ZNF454: variants seen among roughly 807,000 people sequenced by gnomAD.
ZNF454 encodes the protein zinc finger protein 454.
In ZNF454, 30 loss-of-function variants were observed where a neutral mutation model predicts 48.2. That is an observed-to-expected ratio of 0.62 (90% confidence interval 0.47 to 0.84). ZNF454 has a LOEUF of 0.84. Among genes scored for constraint, ZNF454 ranks in the 40% least tolerant of loss-of-function variants. The pLI is 0.00. For missense variants in ZNF454, 510 were observed against 623.1 expected (o/e 0.82, Z 1.93); for synonymous variants, 204 against 211.4 (o/e 0.97, Z 0.30).
the ZNF454 span, among the ~76,000 whole-genome samples, chr5:178,984,450 C>T: frequency 5.3e-5 from 8 of 152,326 alleles, no homozygotes; most frequent in South Asian, 6.2e-4. Context: ...CCCGTCATGA[C>T]GTGGTAGTCA....
At chr5:178,975,346 T>G in the ZNF454 span, among the ~76,000 whole-genome samples, 1,260 of 152,300 alleles carry the variant, frequency 8.3e-3, 15 homozygotes, top group South Asian at 0.047. Context: ...ATTACTCCAG[T>G]GAATGAATGT....
chr5:178,985,568 TG>T, the ZNF454 span: 1 of 338,790 alleles, frequency 3.0e-6, no homozygotes, highest in African/African-American at 2.2e-5. Context: ...CCGGGCGTGG[TG>T]GCGGGCGCCT....
chr5:178,945,799 G>A (rs1265356450), intron 2 of ZNF454, among the ~76,000 whole-genome samples: 1 of 151,934 alleles, frequency 6.6e-6, no homozygotes, highest in Non-Finnish European at 1.5e-5. Context: ...CGAGTACATG[G>A]GCCGTGTTCC....
At position 178,946,626 on chromosome 5, in the gene ZNF454, G is replaced by A. The variant is rs1759349417; in HGVS notation, c.160+141G>A. 2 of 1,224,198 alleles carry A rather than the reference G, an allele frequency of 1.6e-6. No homozygotes were observed. Among genetic ancestry groups the A allele is most frequent in the Admixed American group, 2.8e-5 (1 of 35,246 alleles). 75.8% of individuals were successfully genotyped at this position (1,224,198 alleles called of 1,614,324 possible). ...GCCATTAATTTTACCTGTCCTTGGT[G>A]TCCTGGGCACAGGCCTCTTTTGGAG... On this transcript the variant is annotated intron_variant, in intron 3 of 4. Coordinates refer to ENST00000519564, the MANE Select transcript of ZNF454 (RefSeq NM_001178089.3). The surrounding 1 kb of genome is among the most constrained non-coding windows in gnomAD (Gnocchi z 4.5).
At chr5:178,949,278 G>A (rs907764392) in intron 4 of ZNF454, among the ~76,000 whole-genome samples, 4 of 151,652 alleles carry the variant, frequency 2.6e-5, no homozygotes, top group Admixed American at 6.6e-5. Context: ...TCTCAAACTC[G>A]TGACCTCTGG....
the ZNF454 span, among the ~76,000 whole-genome samples, chr5:178,975,039 G>C: frequency 3.9e-5 from 6 of 152,178 alleles, no homozygotes; most frequent in African/African-American, 1.4e-4. Flanking sequence ...CGGGGGCAGT[G>C]CGTCATACCT....
intron 4 of ZNF454, among the ~76,000 whole-genome samples, chr5:178,951,129 A>G (rs1161779937): frequency 6.6e-6 from 1 of 152,134 alleles, no homozygotes; most frequent in Non-Finnish European, 1.5e-5. Context: ...AAGTGCTGGG[A>G]TTACAGGCAT....
the ZNF454 span, among the ~76,000 whole-genome samples, chr5:178,973,842 C>G: frequency 2.9e-5 from 3 of 101,948 alleles, no homozygotes; most frequent in South Asian, 9.6e-4. Flanking sequence ...GACTTCATCT[C>G]AAAAAAAAAA....
chr5:178,963,848 G>A (rs1760066649), intron 4 of ZNF454, among the ~76,000 whole-genome samples: 1 of 151,634 alleles, frequency 6.6e-6, no homozygotes, highest in African/African-American at 2.4e-5. Flanking sequence ...TCATCTGAAT[G>A]CTCAAATGAG....
chr5:178,942,971 C>T, intron 2 of ZNF454, 147 bp downstream of exon 2: 1 of 793,692 alleles, frequency 1.3e-6, no homozygotes, highest in Non-Finnish European at 2.0e-6. Context: ...ACCCTCCAAC[C>T]CCGCCCCATA....
intron 4 of ZNF454, among the ~76,000 whole-genome samples, chr5:178,947,463 G>T (rs1759384566): frequency 6.6e-6 from 1 of 152,204 alleles, no homozygotes; most frequent in Non-Finnish European, 1.5e-5. Context: ...GTCCACGTGG[G>T]TTATTTATCT....
chr5:178,989,211 A>AGCCC, the ZNF454 span: 2 of 121,740 alleles, frequency 1.6e-5, no homozygotes, highest in Admixed American at 1.8e-4. Context: ...CCCCCTCCCC[A>AGCCC]CCCTCACCAC....
At position 178,946,252 on chromosome 5, in the gene ZNF454, A is replaced by T; in HGVS notation, c.34-107A>T. 1 of 1,482,226 alleles carries T rather than the reference A, an allele frequency of 6.7e-7. No homozygotes were observed. Among genetic ancestry groups the T allele is most frequent in the Admixed American group, 2.2e-5 (1 of 45,754 alleles). 91.8% of individuals were successfully genotyped at this position (1,482,226 alleles called of 1,614,324 possible). A position where few individuals can be genotyped will look rare whatever the true frequency, so the allele number is the denominator to read the frequency against. On this transcript the variant is annotated intron_variant, in intron 2 of 4. Coordinates refer to ENST00000519564, the MANE Select transcript of ZNF454 (RefSeq NM_001178089.3). The surrounding 1 kb of genome is among the most constrained non-coding windows in gnomAD (Gnocchi z 4.5). ...ACAGAACGCCAGCTCCCTGTGTGCCAGCAGTCCTGTAAATGCGCACAAGCT... is the reference window on the plus strand; with the variant it reads ...ACAGAACGCCAGCTCCCTGTGTGCCTGCAGTCCTGTAAATGCGCACAAGCT...
the ZNF454 span, chr5:178,987,046 G>A: frequency 6.5e-7 from 1 of 1,546,824 alleles, no homozygotes; most frequent in South Asian, 1.1e-5. Context: ...CTCCTGGGGA[G>A]GCCCCAGGGA....
At chr5:178,986,857 G>C in the ZNF454 span, 8 of 1,613,858 alleles carry the variant, frequency 5.0e-6, no homozygotes, top group Non-Finnish European at 6.8e-6. Flanking sequence ...GAGGGTCTCT[G>C]CCCACTGGCC....
the ZNF454 span, chr5:178,977,389 C>T: frequency 1.8e-5 from 8 of 455,616 alleles, no homozygotes; most frequent in African/African-American, 1.6e-4. Flanking sequence ...TAAGAACAAG[C>T]AGGCAGCCCT....
downstream of ZNF454, among the ~76,000 whole-genome samples, chr5:178,968,527 T>C (rs139597671): frequency 6.6e-6 from 1 of 152,314 alleles, no homozygotes; most frequent in East Asian, 1.9e-4. Context: ...CTTTCTTCCC[T>C]ATTAAGCTGC....
At chr5:178,961,509 A>C (rs6867606) in intron 4 of ZNF454, among the ~76,000 whole-genome samples, 12 of 151,678 alleles carry the variant, frequency 7.9e-5, no homozygotes, top group African/African-American at 2.2e-4. Flanking sequence ...TTATTGTTAC[A>C]ATCTTAAAAA....
At position 178,959,991 on chromosome 5, in the gene ZNF454, C is replaced by T. The variant is rs1022057991; in HGVS notation, c.251-4664C>T. Among the ~76,000 whole-genome samples the T allele has an allele frequency of 3.3e-5, 5 of 150,910 alleles. 1 individual carries two copies. The Admixed American group carries it at 3.3e-4, about 10-fold the overall frequency. On this transcript the variant is annotated intron_variant, in intron 4 of 4. Coordinates refer to ENST00000519564, the MANE Select transcript of ZNF454 (RefSeq NM_001178089.3). ...TGAGACAAGTTCTTGCTCTGTTGCC[C>T]AGGCTGGAGTGCAGTGGTGTGATCA... is the stretch of plus-strand genomic sequence containing the variant.
Sources: gnomAD v4.1 joint callset for allele counts (sites outside exome capture counted in the v4.1 genomes callset) on GRCh38, gnomAD v4.1.1 for gene constraint, Gnocchi (gnomAD v3.1) non-coding constraint, MANE v1.5 for transcripts, NCBI Gene and HGNC (gene_info 2026-07-23, HGNC 2026-07-21) for gene names.